RPRD1A: variants seen among roughly 807,000 people sequenced by gnomAD.
The protein encoded by RPRD1A is regulation of nuclear pre-mRNA domain containing 1A.
RPRD1A carries 9 observed loss-of-function variants against 37.8 expected under a neutral mutation model. The observed-to-expected ratio is 0.24, with a 90% CI of 0.14 to 0.42. RPRD1A has a LOEUF of 0.42. RPRD1A is among the 10% of genes least tolerant of loss of function. The pLI is 1.00. For synonymous variants in RPRD1A, 138 were observed against 139.7 expected, an observed-to-expected ratio of 0.99 and a Z score of 0.08; for missense variants, 255 against 371.0, an observed-to-expected ratio of 0.69 and a Z score of 2.57.
intron 1 of RPRD1A, among the ~76,000 whole-genome samples, chr18:36,039,753 A>T (rs867775953): frequency 6.6e-6 from 1 of 152,258 alleles, no homozygotes; most frequent in Non-Finnish European, 1.5e-5. Context: ...TAAATACAAT[A>T]AACAGCTAAA....
chr18:36,063,561 T>C (rs1185956327), intron 1 of RPRD1A, among the ~76,000 whole-genome samples: 2 of 152,250 alleles, frequency 1.3e-5, no homozygotes, highest in South Asian at 2.1e-4. Flanking sequence ...TAACACAAAA[T>C]GTTCAACTAA....
chr18:36,039,108 T>A (rs1912401158), intron 1 of RPRD1A, among the ~76,000 whole-genome samples: 1 of 152,124 alleles, frequency 6.6e-6, no homozygotes, highest in Non-Finnish European at 1.5e-5. Context: ...AAGAAGGACA[T>A]GAGATTTGGG....
chr18:36,027,209 T>C lies in RPRD1A; in HGVS notation c.588A>G (p.Glu196=). The stretch of plus-strand genomic sequence containing the variant: ...CTGTTATTTTATCTAATAGAGATAC[T>C]TCTTGGACTTCAACAGGTAAAGAAG... The part of the protein sequence containing the change: ...RIASLPVEVQ[E]VSLLDKITDK... Residue 196 remains glutamate (E), a synonymous_variant, in exon 5 of 7, where the codon GAA becomes GAG. Transcript: ENST00000399022. The C allele has an allele frequency of 4.3e-6, 7 of 1,613,884 alleles. No individual in the cohort carries two copies. The highest frequency in any genetic ancestry group is 5.9e-6 in the Non-Finnish European group (7 of 1,179,770).
At chr18:36,000,321 C>T (rs944902083) in intron 6 of RPRD1A, among the ~76,000 whole-genome samples, 1 of 152,104 alleles carries the variant, frequency 6.6e-6, no homozygotes, top group Non-Finnish European at 1.5e-5. Flanking sequence ...TCAGATGGAG[C>T]TGTCATTTTT....
chr18:36,022,409 G>C (rs2144252848), intron 6 of RPRD1A, among the ~76,000 whole-genome samples: 1 of 152,238 alleles, frequency 6.6e-6, no homozygotes, highest in Non-Finnish European at 1.5e-5. Context: ...ATGCCACCTG[G>C]GACTTTCATA....
chr18:36,001,538 G>A (rs1333324267), intron 6 of RPRD1A, among the ~76,000 whole-genome samples: 1 of 152,060 alleles, frequency 6.6e-6, no homozygotes, highest in East Asian at 1.9e-4. Context: ...CCCAAATTGG[G>A]TGTTCCATGA....
intron 1 of RPRD1A, among the ~76,000 whole-genome samples, chr18:36,062,205 T>G (rs1025958216): frequency 8.6e-5 from 13 of 150,724 alleles, no homozygotes; most frequent in Non-Finnish European, 1.2e-4. Context: ...TAGTCCCAGC[T>G]ACTCCGGAGG....
At chr18:36,052,718 C>T (rs890387016) in intron 1 of RPRD1A, among the ~76,000 whole-genome samples, 2 of 152,158 alleles carry the variant, frequency 1.3e-5, no homozygotes, top group African/African-American at 4.8e-5. Context: ...CCTTCCTCAG[C>T]CTCCTGAGTA....
chr18:36,066,273 C>A (rs1482967600), intron 1 of RPRD1A, among the ~76,000 whole-genome samples: 1 of 152,228 alleles, frequency 6.6e-6, no homozygotes, highest in Non-Finnish European at 1.5e-5. Flanking sequence ...TTTTGGCTCA[C>A]ATTTTGGCTG....
At chr18:36,037,087 AGAT>A (rs1280481043) in intron 1 of RPRD1A, among the ~76,000 whole-genome samples, 1 of 152,216 alleles carries the variant, frequency 6.6e-6, no homozygotes, top group Non-Finnish European at 1.5e-5. Context: ...ACAAATTGGC[AGAT>A]GATAGGTCAC....
intron 1 of RPRD1A, among the ~76,000 whole-genome samples, chr18:36,064,995 C>A (rs148697102): frequency 0.025 from 3,815 of 151,960 alleles, 182 homozygotes; most frequent in African/African-American, 0.087. Flanking sequence ...TGAAGGTCTG[C>A]AGCTTCACTC....
chr18:36,064,709 A>C (rs1430665648), intron 1 of RPRD1A, among the ~76,000 whole-genome samples: 1 of 152,186 alleles, frequency 6.6e-6, no homozygotes, highest in African/African-American at 2.4e-5. Context: ...GGGCCAGATA[A>C]GAGAATAAAA....
At chr18:36,007,764 C>A (rs1325270902) in intron 6 of RPRD1A, among the ~76,000 whole-genome samples, 2 of 151,632 alleles carry the variant, frequency 1.3e-5, no homozygotes, top group African/African-American at 4.8e-5. Context: ...ACGGTGAAAC[C>A]CCATCTCTAC....
At chr18:36,044,447 G>A (rs967973382) in intron 1 of RPRD1A, among the ~76,000 whole-genome samples, 19 of 152,246 alleles carry the variant, frequency 1.2e-4, no homozygotes, top group African/African-American at 4.6e-4. Context: ...CAGCATTTTG[G>A]GAGGCAGAGG....
intron 6 of RPRD1A, among the ~76,000 whole-genome samples, chr18:35,997,829 T>C (rs1909176759): frequency 6.6e-6 from 1 of 152,212 alleles, no homozygotes; most frequent in Admixed American, 6.5e-5. Context: ...ATATAGGCTT[T>C]TTCAGAACCC....
At chr18:36,037,740 G>A (rs1217576790) in intron 1 of RPRD1A, among the ~76,000 whole-genome samples, 2 of 152,182 alleles carry the variant, frequency 1.3e-5, no homozygotes, top group African/African-American at 2.4e-5. Flanking sequence ...TGCTGATAGT[G>A]AAGTAGACAA....
At chr18:36,029,335 T>C (rs893762877) in intron 4 of RPRD1A, among the ~76,000 whole-genome samples, 2 of 152,086 alleles carry the variant, frequency 1.3e-5, no homozygotes, top group African/African-American at 4.8e-5. Context: ...TTGGAACCAG[T>C]CCTCTAACTC....
At chr18:36,025,696 T>C (rs1042153433) in intron 6 of RPRD1A, 208 of 1,262,212 alleles carry the variant, frequency 1.6e-4, no homozygotes, top group Non-Finnish European at 2.1e-4. Context: ...AGAAGCTCAA[T>C]AGAAGTTAAA....
At chr18:36,016,227 T>C (rs1910562038) in intron 6 of RPRD1A, among the ~76,000 whole-genome samples, 1 of 152,098 alleles carries the variant, frequency 6.6e-6, no homozygotes, top group African/African-American at 2.4e-5. Flanking sequence ...ATCTTTTCTT[T>C]TTTCTTTTTT....
Sources: allele counts gnomAD v4.1 joint callset (sites outside exome capture counted in the v4.1 genomes callset), GRCh38; gene constraint gnomAD v4.1.1; transcripts MANE v1.5; gene names NCBI Gene and HGNC (gene_info 2026-07-23, HGNC 2026-07-21).